PLS3: variants seen among roughly 807,000 people sequenced by gnomAD.
The protein encoded by PLS3 is plastin 3, also known as plastin-3.
PLS3 carries 11 observed loss-of-function variants against 46.5 expected under a neutral mutation model. The observed-to-expected ratio is 0.24, with a 90% confidence interval of 0.15 to 0.39. The LOEUF is 0.39. Among genes scored for constraint, PLS3 ranks in the 10% least tolerant of loss-of-function variants. The pLI, the probability that PLS3 is intolerant of heterozygous loss-of-function variation, is 1.00. For missense variants in PLS3, 308 were observed against 461.8 expected, an observed-to-expected ratio of 0.67 and a Z score of 3.05; for synonymous variants, 167 against 162.2, an observed-to-expected ratio of 1.03 and a Z score of -0.22.
At chrX:115,646,229 A>G (rs782532111) in intron 12 of PLS3, 43 bp downstream of exon 12, 1 of 874,122 alleles carries the variant, frequency 1.1e-6, no homozygotes, top group South Asian at 2.3e-5. Context: ...GAGTATTTTT[A>G]TTCTCGATTA....
chrX:115,626,118 G>C (rs1556638440), intron 3 of PLS3, among the ~76,000 whole-genome samples: 1 of 111,449 alleles, frequency 9.0e-6, no homozygotes, highest in Non-Finnish European at 1.9e-5. Context: ...AGTCAGCCTT[G>C]TGCTATCTCT....
At chrX:115,606,744 G>A (rs897281331) in intron 1 of PLS3, among the ~76,000 whole-genome samples, 2 of 111,212 alleles carry the variant, frequency 1.8e-5, no homozygotes, top group Admixed American at 9.6e-5. Flanking sequence ...ATCCTATGTC[G>A]TATTTTTGTA....
At chrX:115,604,009 A>C (rs782679516) in intron 1 of PLS3, among the ~76,000 whole-genome samples, 1 of 112,117 alleles carries the variant, frequency 8.9e-6, no homozygotes, top group East Asian at 2.8e-4. Context: ...AAGTGATCCT[A>C]AAATATTTAA....
chrX:115,601,622 T>TA (rs2074444891), intron 1 of PLS3, among the ~76,000 whole-genome samples: 1 of 107,342 alleles, frequency 9.3e-6, no homozygotes, highest in Non-Finnish European at 1.9e-5. Context: ...CCCTAGAACT[T>TA]AAAGTATAAT....
intron 2 of PLS3, among the ~76,000 whole-genome samples, chrX:115,619,820 G>T (rs1238583906): frequency 8.9e-6 from 1 of 112,235 alleles, no homozygotes; most frequent in African/African-American, 3.2e-5. Context: ...GCTGCAGTGA[G>T]CCATGCTCGT....
chrX:115,601,632 T>C (rs2074444996), intron 1 of PLS3, among the ~76,000 whole-genome samples: 1 of 106,585 alleles, frequency 9.4e-6, no homozygotes, highest in Non-Finnish European at 1.9e-5. Context: ...TAAAGTATAA[T>C]AAAAAAAATA....
At chrX:115,647,168 C>T (rs2074959889) in intron 13 of PLS3, among the ~76,000 whole-genome samples, 1 of 111,652 alleles carries the variant, frequency 9.0e-6, no homozygotes. Context: ...GGAGTGGTGG[C>T]TCACGCCTGT....
intron 3 of PLS3, among the ~76,000 whole-genome samples, chrX:115,625,171 A>G (rs781866340): frequency 1.8e-4 from 20 of 111,894 alleles, no homozygotes; most frequent in Non-Finnish European, 5.6e-5. Flanking sequence ...CCTGTTAGAT[A>G]TTGGCATAAG....
chrX:115,637,299 G>A (rs782378098), intron 8 of PLS3, among the ~76,000 whole-genome samples: 30 of 111,577 alleles, frequency 2.7e-4, no homozygotes, highest in African/African-American at 9.8e-4. Flanking sequence ...AAGCCTCAGT[G>A]TACCTGTTAG....
rs782178783 is a variant in PLS3, at chrX:115,617,950, A to G, written c.74-4296A>G. 2.7e-5 allele frequency among the ~76,000 whole-genome samples: 3 copies of G among 111,426 alleles called. No individual in the cohort carries two copies. In the South Asian group the frequency reaches 1.1e-3, roughly 42 times the overall value. ...AGTTTTTTGTTTTTGCTTTTGAGAC[A>G]GTGTCTCACTCTGGTGCCCAGGCTA... On this transcript the variant is annotated intron_variant, in intron 2 of 15. Transcript: ENST00000355899.
intron 6 of PLS3, 106 bp from the exon 7 acceptor site, chrX:115,634,775 A>T: frequency 1.4e-6 from 1 of 701,061 alleles, no homozygotes. Flanking sequence ...AAATTAATAC[A>T]GGGTATTAAT....
chrX:115,631,076 G>A (rs1556639360), intron 5 of PLS3, among the ~76,000 whole-genome samples: 1 of 101,305 alleles, frequency 9.9e-6, no homozygotes, highest in African/African-American at 3.6e-5. Flanking sequence ...GTGTGTGTGA[G>A]ATGGAGTTTC....
chrX:115,644,679 C>A lies in PLS3; in HGVS notation c.1184-342C>A, dbSNP rs781982050. The stretch of plus-strand genomic sequence containing the variant: ...GTGTCCACTGATATTTCTATAAAAC[C>A]AGTAACTTAACTGATAACATCAGTT... On this transcript the variant is annotated intron_variant, in intron 10 of 15. Coordinates refer to ENST00000355899, the MANE Select transcript of PLS3 (RefSeq NM_005032.7). Among the ~76,000 whole-genome samples, 307 of 110,256 alleles carry A rather than the reference C, an allele frequency of 2.8e-3. 1 individual carries two copies. Among genetic ancestry groups the A allele is most frequent in the Non-Finnish European group, 4.3e-3 (225 of 52,716 alleles).
chrX:115,642,370 A>C lies in PLS3; in HGVS notation c.988-943A>C, dbSNP rs782283245. Among the ~76,000 whole-genome samples, 3 of 111,341 alleles carry C rather than the reference A, an allele frequency of 2.7e-5. No homozygotes were observed. In the South Asian group the frequency reaches 1.1e-3, roughly 42 times the overall value. ...GCTCAAAAGAAATCAGTGGAAATAG[A>C]TTCTCTGCTTCTCTTCAATTCAAGC... On this transcript the variant is annotated intron_variant, in intron 9 of 15. Transcript: ENST00000355899.
At position 115,647,382 on chromosome X, in the gene PLS3, G is replaced by A. The variant is rs925798372; in HGVS notation, c.1512-168G>A. ...CGGGAGGCGGAGCTTGCAGTGAGCAGGAGATTGCGCCACTGCACTCCAGCC... is the reference window on the plus strand; with the variant it reads ...CGGGAGGCGGAGCTTGCAGTGAGCAAGAGATTGCGCCACTGCACTCCAGCC... On this transcript the variant is annotated intron_variant, in intron 13 of 15. Transcript: ENST00000355899. 6.2e-5 allele frequency among the ~76,000 whole-genome samples: 7 copies of A among 112,251 alleles called. No homozygotes were observed. The South Asian group carries it at 1.9e-3, about 30-fold the overall frequency.
At chrX:115,587,671 C>T (rs907542516) in intron 1 of PLS3, among the ~76,000 whole-genome samples, 2 of 106,617 alleles carry the variant, frequency 1.9e-5, no homozygotes, top group Non-Finnish European at 3.9e-5. Flanking sequence ...GGAGGCGGAG[C>T]TTGCAGTGAG....
intron 8 of PLS3, among the ~76,000 whole-genome samples, chrX:115,637,801 T>C (rs1401464950): frequency 8.9e-6 from 1 of 112,066 alleles, no homozygotes; most frequent in Non-Finnish European, 1.9e-5. Context: ...TGTGATGATA[T>C]GATTTTGTTC....
At chrX:115,624,952 T>C (rs183573755) in intron 3 of PLS3, among the ~76,000 whole-genome samples, 24 of 111,862 alleles carry the variant, frequency 2.1e-4, no homozygotes, top group African/African-American at 7.4e-4. Flanking sequence ...AGTGGCTTTT[T>C]CCAGTACCTC....
At chrX:115,564,286 T>C (rs2074158424) in intron 1 of PLS3, among the ~76,000 whole-genome samples, 1 of 112,284 alleles carries the variant, frequency 8.9e-6, no homozygotes, top group Admixed American at 9.5e-5. Context: ...TAGTCTGATG[T>C]AACCATTTAG....
Sources: gnomAD v4.1 joint callset for allele counts (sites outside exome capture counted in the v4.1 genomes callset) on GRCh38, gnomAD v4.1.1 for gene constraint, MANE v1.5 for transcripts, NCBI Gene and HGNC (gene_info 2026-07-23, HGNC 2026-07-21) for gene names.